The following STON1 variants were observed in gnomAD, a reference collection of about 807,000 sequenced individuals.
STON1 encodes stonin-1.
In STON1, 79 loss-of-function variants were observed where a neutral mutation model predicts 60.9. The observed-to-expected ratio is 1.30, with a 90% CI of 1.08 to 1.56. The LOEUF is 1.56. STON1 is among the 40% of genes most tolerant of loss of function. The pLI is 0.00. For synonymous variants in STON1, 363 were observed against 306.9 expected, an observed-to-expected ratio of 1.18 and a Z score of -1.91; for missense variants, 1,166 against 858.9, an observed-to-expected ratio of 1.36 and a Z score of -4.47.
At chr2:48,586,851 G>A (rs1674235884) in intron 2 of STON1, among the ~76,000 whole-genome samples, 1 of 152,134 alleles carries the variant, frequency 6.6e-6, no homozygotes, top group Non-Finnish European at 1.5e-5. Context: ...CAAAGGCAGT[G>A]GCAGAGAGAG....
chr2:48,547,986 T>G (rs1671932196), intron 1 of STON1, among the ~76,000 whole-genome samples: 2 of 152,198 alleles, frequency 1.3e-5, no homozygotes, highest in Non-Finnish European at 2.9e-5. Context: ...CCAAATCAAG[T>G]CTAGGTAAAC....
At chr2:48,537,841 C>T (rs1294507929) in intron 1 of STON1, among the ~76,000 whole-genome samples, 9 of 133,968 alleles carry the variant, frequency 6.7e-5, no homozygotes, top group African/African-American at 2.6e-4. Flanking sequence ...CAGAGCAAGA[C>T]TTCATCTCAA....
chr2:48,582,283 C>T lies in STON1; in HGVS notation c.1650C>T (p.Ala550=), dbSNP rs149386954. 5,184 of 1,614,202 alleles carry T rather than the reference C, an allele frequency of 3.2e-3. 40 individuals are homozygous for T. The highest frequency in any genetic ancestry group is 0.018 in the South Asian group (1,676 of 91,086). The change falls in exon 2 of 4, where the codon GCC becomes GCT. Residue 550 remains alanine, a synonymous_variant. Coordinates refer to ENST00000404752, the MANE Select transcript of STON1 (RefSeq NM_006873.4). ...YVELQAFVNM[A]SLAQRSSYAG... is the part of the protein sequence containing the mutation. ...AACTTCAGGCTTTTGTCAACATGGCCTCATTGGCGCAGAGGTCATCCTATG... is the reference window on the plus strand; with the variant it reads ...AACTTCAGGCTTTTGTCAACATGGCTTCATTGGCGCAGAGGTCATCCTATG...
intron 1 of STON1, among the ~76,000 whole-genome samples, chr2:48,577,158 G>A (rs1056611092): frequency 1.3e-5 from 2 of 152,066 alleles, no homozygotes; most frequent in Non-Finnish European, 2.9e-5. Flanking sequence ...TTGCTGTGCA[G>A]AAACTTTTAA....
intron 2 of STON1, among the ~76,000 whole-genome samples, chr2:48,584,939 G>A (rs1462889953): frequency 6.6e-6 from 1 of 152,158 alleles, no homozygotes; most frequent in Non-Finnish European, 1.5e-5. Flanking sequence ...CACAGGCCTA[G>A]TGAGCTGAGG....
At chr2:48,540,046 C>G (rs764495079) in intron 1 of STON1, among the ~76,000 whole-genome samples, 7 of 152,148 alleles carry the variant, frequency 4.6e-5, no homozygotes, top group Non-Finnish European at 1.0e-4. Flanking sequence ...GGTATTTAGG[C>G]CTCTTGCTGC....
At position 48,591,860 on chromosome 2, in the gene STON1, A is replaced by G. The variant is rs974956733; in HGVS notation, c.2133+5A>G. On this transcript the variant is annotated splice_donor_5th_base_variant and intron_variant, in intron 3 of 3. Transcript: ENST00000404752. Reference sequence around the variant, plus strand: ...CGAGCTTGCTACAACATCCAGGTACATCCCAAAACTTCTAGAACTGTGACC... The same window carrying G: ...CGAGCTTGCTACAACATCCAGGTACGTCCCAAAACTTCTAGAACTGTGACC... 1.2e-6 allele frequency: 2 copies of G among 1,613,356 alleles called. No homozygotes were observed. Among genetic ancestry groups the G allele is most frequent in the African/African-American group, 1.3e-5 (1 of 74,906 alleles).
chr2:48,580,980 T>A lies in STON1; in HGVS notation c.347T>A (p.Ile116Lys). Reference protein sequence around the residue: ...PESSSDSPLAISGGESSLLPT... With the variant: ...PESSSDSPLAKSGGESSLLPT... ...TCATCTTCAGACAGCCCACTCGCAA[T>A]ATCAGGAGGAGAATCTTCCTTACTG... Residue 116 changes from isoleucine to lysine, a missense_variant, in exon 2 of 4, where the codon ATA becomes AAA. Coordinates refer to ENST00000404752, the MANE Select transcript of STON1 (RefSeq NM_006873.4). The A allele has an allele frequency of 6.3e-7, 1 of 1,574,962 alleles. No homozygotes were observed. Among genetic ancestry groups the A allele is most frequent in the Non-Finnish European group, 8.6e-7 (1 of 1,164,458 alleles).
At chr2:48,579,410 T>C (rs1388860709) in intron 1 of STON1, among the ~76,000 whole-genome samples, 1 of 151,986 alleles carries the variant, frequency 6.6e-6, no homozygotes, top group Non-Finnish European at 1.5e-5. Flanking sequence ...ACTGTTTTGG[T>C]GTGCTGTGTT....
intron 1 of STON1, among the ~76,000 whole-genome samples, chr2:48,558,021 G>A (rs1447170403): frequency 2.0e-5 from 3 of 152,162 alleles, no homozygotes; most frequent in Non-Finnish European, 4.4e-5. Context: ...TCGGGAGTTC[G>A]AGACCAGCAT....
At chr2:48,594,632 G>T (rs1013994852) in intron 3 of STON1, among the ~76,000 whole-genome samples, 1 of 152,120 alleles carries the variant, frequency 6.6e-6, no homozygotes, top group African/African-American at 2.4e-5. Context: ...AGGGTAACGG[G>T]ATAGAGAGTG....
chr2:48,589,557 C>T (rs1674399740), intron 2 of STON1, among the ~76,000 whole-genome samples: 1 of 152,138 alleles, frequency 6.6e-6, no homozygotes, highest in South Asian at 2.1e-4. Flanking sequence ...TTAGCATTTT[C>T]AAAAGCCTTA....
intron 2 of STON1, among the ~76,000 whole-genome samples, chr2:48,588,689 A>G (rs1448963350): frequency 1.3e-5 from 2 of 152,164 alleles, no homozygotes. Flanking sequence ...TTCTAATTAT[A>G]AAACTTTTTT....
intron 1 of STON1, among the ~76,000 whole-genome samples, chr2:48,536,180 C>T (rs1255740762): frequency 6.6e-6 from 1 of 152,168 alleles, no homozygotes; most frequent in Non-Finnish European, 1.5e-5. Context: ...CAAGTTCTCT[C>T]AGTCTCCTCA....
intron 1 of STON1, among the ~76,000 whole-genome samples, chr2:48,557,282 C>T (rs1315236886): frequency 4.0e-5 from 3 of 75,846 alleles, no homozygotes; most frequent in African/African-American, 9.8e-5. Flanking sequence ...AGAGACGCTC[C>T]TCACCTCCCA....
chr2:48,560,210 A>G (rs1454372401), intron 1 of STON1, among the ~76,000 whole-genome samples: 1 of 152,222 alleles, frequency 6.6e-6, no homozygotes, highest in Non-Finnish European at 1.5e-5. Flanking sequence ...ATCTTCAGGA[A>G]GGACAGTGGA....
intron 1 of STON1, among the ~76,000 whole-genome samples, chr2:48,554,707 A>ATTTTTT (rs11475306): frequency 7.9e-5 from 7 of 88,770 alleles, no homozygotes; most frequent in Non-Finnish European, 1.1e-4. Flanking sequence ...TAAGTGCAAA[A>ATTTTTT]TTTTTTTTTT....
chr2:48,574,361 G>A (rs973177677), intron 1 of STON1, among the ~76,000 whole-genome samples: 6 of 150,746 alleles, frequency 4.0e-5, no homozygotes, highest in African/African-American at 1.5e-4. Context: ...GAGCGACAGA[G>A]TGCAACTCCA....
At chr2:48,564,883 C>T (rs4952918) in intron 1 of STON1, among the ~76,000 whole-genome samples, 22,127 of 148,148 alleles carry the variant, frequency 0.15, 2,053 homozygotes, top group East Asian at 0.37. Flanking sequence ...CAGGCGTGCA[C>T]CACCACGCCC....
Sources: allele counts gnomAD v4.1 joint callset (sites outside exome capture counted in the v4.1 genomes callset), GRCh38; gene constraint gnomAD v4.1.1; transcripts MANE v1.5; gene names NCBI Gene and HGNC (gene_info 2026-07-23, HGNC 2026-07-21).